GABRB2: variants seen among roughly 807,000 people sequenced by gnomAD.
The protein encoded by GABRB2 is gamma-aminobutyric acid type A receptor subunit beta2.
Under a neutral mutation model 54.7 loss-of-function variants are expected in GABRB2, and 16 were observed. That is an observed-to-expected ratio of 0.29 (90% CI 0.20 to 0.44). GABRB2 has a LOEUF of 0.44. GABRB2 is among the 20% of genes least tolerant of loss of function. The probability of loss-of-function intolerance (pLI) is 1.00; values close to 1 mark genes in which losing one functional copy is unlikely to be tolerated. For missense variants in GABRB2, 355 were observed against 644.0 expected, an observed-to-expected ratio of 0.55 and a Z score of 4.86; for synonymous variants, 244 against 233.8, an observed-to-expected ratio of 1.04 and a Z score of -0.40.
intron 4 of GABRB2, among the ~76,000 whole-genome samples, chr5:161,431,021 T>C (rs1757157669): frequency 6.6e-6 from 1 of 152,200 alleles, no homozygotes; most frequent in Non-Finnish European, 1.5e-5. Context: ...TTTACAATTG[T>C]GTCTCCAAAA....
intron 3 of GABRB2, among the ~76,000 whole-genome samples, chr5:161,476,999 G>T (rs1308824138): frequency 6.6e-6 from 1 of 151,796 alleles, no homozygotes; most frequent in Non-Finnish European, 1.5e-5. Context: ...GCAACCTAAG[G>T]AATGGGAGAA....
At chr5:161,520,087 C>G (rs1374888079) in intron 3 of GABRB2, among the ~76,000 whole-genome samples, 1 of 151,820 alleles carries the variant, frequency 6.6e-6, no homozygotes, top group Non-Finnish European at 1.5e-5. Context: ...AATTTAATAC[C>G]AAGTGAAATA....
Position 161,481,491 on chromosome 5 carries a change from C to T in GABRB2, c.238-21647G>A, listed in dbSNP as rs186472872. On this transcript the variant is annotated intron_variant, in intron 3 of 9. Coordinates refer to ENST00000393959, the MANE Select transcript of GABRB2 (RefSeq NM_001371727.1). ...AATTTCTGACTTCCCCAAAGTGAAG[C>T]TGTAAATGACAGCTTAAAAATATGT... 2.6e-5 allele frequency among the ~76,000 whole-genome samples: 4 copies of T among 152,116 alleles called. No individual in the cohort carries two copies. The East Asian group carries it at 5.8e-4, about 22-fold the overall frequency.
chr5:161,525,502 G>A (rs1760250308), intron 3 of GABRB2, among the ~76,000 whole-genome samples: 1 of 150,954 alleles, frequency 6.6e-6, no homozygotes, highest in African/African-American at 2.4e-5. Flanking sequence ...ATACACAATT[G>A]TCAAAAGACC....
chr5:161,388,305 TGTCAATA>T (rs1271226485), intron 5 of GABRB2, among the ~76,000 whole-genome samples: 2 of 152,122 alleles, frequency 1.3e-5, no homozygotes, highest in Admixed American at 1.3e-4. Context: ...TCATCAAAGC[TGTCAATA>T]GAAGAAGGCT....
intron 3 of GABRB2, among the ~76,000 whole-genome samples, chr5:161,481,433 A>G (rs1758759590): frequency 1.3e-5 from 2 of 152,070 alleles, no homozygotes; most frequent in African/African-American, 4.8e-5. Flanking sequence ...CCGGGACCGT[A>G]TAGTAAATGA....
chr5:161,336,090 G>C (rs1016938485), intron 6 of GABRB2, among the ~76,000 whole-genome samples: 1 of 152,138 alleles, frequency 6.6e-6, no homozygotes, highest in Non-Finnish European at 1.5e-5. Flanking sequence ...TCTCCATGCC[G>C]TAAGGGTGAA....
chr5:161,345,912 T>A (rs946709745), intron 5 of GABRB2, among the ~76,000 whole-genome samples: 1 of 152,130 alleles, frequency 6.6e-6, no homozygotes, highest in African/African-American at 2.4e-5. Flanking sequence ...AACTGAACTG[T>A]CAACTTGCTA....
chr5:161,436,127 G>A (rs1300076624), intron 4 of GABRB2, among the ~76,000 whole-genome samples: 1 of 152,162 alleles, frequency 6.6e-6, no homozygotes, highest in East Asian at 1.9e-4. Flanking sequence ...TAATCTTTCT[G>A]AGATTCACTT....
chr5:161,430,280 G>C (rs1390104261), intron 4 of GABRB2, among the ~76,000 whole-genome samples: 5 of 152,218 alleles, frequency 3.3e-5, no homozygotes, highest in Admixed American at 2.6e-4. Flanking sequence ...GGATATCTAT[G>C]AGGTTTCAGA....
chr5:161,322,696 G>T (rs1414397210), intron 9 of GABRB2, among the ~76,000 whole-genome samples: 1 of 152,060 alleles, frequency 6.6e-6, no homozygotes, highest in Non-Finnish European at 1.5e-5. Context: ...TCCTCTAAAA[G>T]ATTTTTATCC....
chr5:161,400,478 T>C (rs1467924656), intron 5 of GABRB2, among the ~76,000 whole-genome samples: 4 of 152,098 alleles, frequency 2.6e-5, no homozygotes, highest in South Asian at 2.1e-4. Context: ...ATTTATAATA[T>C]GTTGTGAAGT....
At chr5:161,332,150 A>G (rs1753868843) in intron 7 of GABRB2, among the ~76,000 whole-genome samples, 1 of 142,458 alleles carries the variant, frequency 7.0e-6, no homozygotes, top group Admixed American at 7.0e-5. Flanking sequence ...TGGGCCACAC[A>G]GCAAGACTCC....
At position 161,411,021 on chromosome 5, in the gene GABRB2, C is replaced by T. The variant is rs1410991962; in HGVS notation, c.495G>A (p.Arg165=). Residue 165 remains arginine, a synonymous_variant, in exon 5 of 10, where the codon AGG becomes AGA. Transcript: ENST00000393959. ...TTTAACMMDL[R]RYPLDEQNCT... The stretch of plus-strand genomic sequence containing the variant: ...AGTTTTGTTCATCCAGTGGGTACCT[C>T]CTTAGGTCCATCATGCAGGCAGCTG... The T allele has an allele frequency of 6.2e-7, 1 of 1,613,680 alleles. No individual in the cohort carries two copies.
At chr5:161,399,861 G>C (rs10055028) in intron 5 of GABRB2, among the ~76,000 whole-genome samples, 26,907 of 152,072 alleles carry the variant, frequency 0.18, 3,455 homozygotes, top group African/African-American at 0.36. Flanking sequence ...GTGAGATCTT[G>C]TTTGTAAGTA....
intron 9 of GABRB2, among the ~76,000 whole-genome samples, chr5:161,325,469 C>T (rs900571502): frequency 6.6e-6 from 1 of 152,036 alleles, no homozygotes; most frequent in African/African-American, 2.4e-5. Context: ...TCCCCTACCC[C>T]AATGGCAACA....
At chr5:161,463,260 C>T (rs147871684) in intron 3 of GABRB2, among the ~76,000 whole-genome samples, 452 of 150,490 alleles carry the variant, frequency 3.0e-3, no homozygotes, top group Admixed American at 6.1e-3. Flanking sequence ...GTGAGTTTCT[C>T]GATTATTTTT....
At chr5:161,431,494 A>G (rs1757170431) in intron 4 of GABRB2, among the ~76,000 whole-genome samples, 1 of 152,152 alleles carries the variant, frequency 6.6e-6, no homozygotes, top group Non-Finnish European at 1.5e-5. Flanking sequence ...GGTCAAATTA[A>G]TGTTTATGCC....
intron 5 of GABRB2, among the ~76,000 whole-genome samples, chr5:161,402,328 T>A (rs576202908): frequency 6.6e-5 from 10 of 152,244 alleles, no homozygotes; most frequent in African/African-American, 2.4e-4. Context: ...TTAAATTTTT[T>A]AAATGAGGTT....
Sources: allele counts gnomAD v4.1 joint callset (sites outside exome capture counted in the v4.1 genomes callset), GRCh38; gene constraint gnomAD v4.1.1; transcripts MANE v1.5; gene names NCBI Gene and HGNC (gene_info 2026-07-23, HGNC 2026-07-21).